The following ZNF124 variants were observed in gnomAD, a reference collection of about 807,000 sequenced individuals.
The protein encoded by ZNF124 is zinc finger protein 124, also known as zinc finger protein HZF-16.
ZNF124 carries 25 observed loss-of-function variants against 26.6 expected under a neutral mutation model. That is an observed-to-expected ratio of 0.94 (90% CI 0.68 to 1.31). The LOEUF is 1.31. Ranked by LOEUF, ZNF124 falls within the 40% of genes most tolerant of loss-of-function variation. The pLI, the probability that ZNF124 is intolerant of heterozygous loss-of-function variation, is 0.00. For missense variants in ZNF124, 444 were observed against 422.2 expected (o/e 1.05, Z -0.45); for synonymous variants, 129 against 133.3 (o/e 0.97, Z 0.22).
chr1:247,135,072 A>G (rs1361832822), intron 3 of ZNF124, among the ~76,000 whole-genome samples: 1 of 152,230 alleles, frequency 6.6e-6, no homozygotes, highest in Non-Finnish European at 1.5e-5. Context: ...ACAATGTACC[A>G]GAATCTCTGG....
intron 3 of ZNF124, among the ~76,000 whole-genome samples, chr1:247,126,366 G>A (rs2103097659): frequency 1.2e-5 from 1 of 83,054 alleles, no homozygotes; most frequent in African/African-American, 5.1e-5. Flanking sequence ...GGGCACCGGG[G>A]CGGGGACTGC....
At chr1:247,134,226 G>A (rs563963290) in intron 3 of ZNF124, among the ~76,000 whole-genome samples, 3 of 152,076 alleles carry the variant, frequency 2.0e-5, no homozygotes, top group South Asian at 2.1e-4. Flanking sequence ...ATAGCATCAC[G>A]ACAACAGGAT....
intron 1 of ZNF124, among the ~76,000 whole-genome samples, chr1:247,161,764 A>G (rs948014572): frequency 6.6e-6 from 1 of 152,054 alleles, no homozygotes; most frequent in African/African-American, 2.4e-5. Context: ...TACTATAATA[A>G]TAATAGTAAA....
downstream of ZNF124, among the ~76,000 whole-genome samples, chr1:247,150,605 C>G (rs1407906460): frequency 6.6e-6 from 1 of 151,508 alleles, no homozygotes; most frequent in Non-Finnish European, 1.5e-5. Context: ...TCTCTGTGGC[C>G]TTAAAATAGA....
chr1:247,125,641 A>C lies in ZNF124; in HGVS notation c.219-1770T>G, dbSNP rs189467509. On this transcript the variant is annotated intron_variant, in intron 3 of 3. Coordinates refer to the ZNF124 transcript ENST00000472531. The stretch of plus-strand genomic sequence containing the variant: ...GAGACGGGGTTTCACCACATTCGCC[A>C]GGCTGGTCTCCAACTCCTGACCTCG... 2.5e-3 allele frequency among the ~76,000 whole-genome samples: 311 copies of C among 124,154 alleles called. 1 individual carries two copies. The highest frequency in any genetic ancestry group is 9.3e-3 in the African/African-American group (299 of 32,226). The allele number at this position is 124,154 out of a possible 152,430, so 81.4% of individuals were successfully genotyped here.
At chr1:247,147,333 TCTC>T (rs1406599652) in intron 3 of ZNF124, among the ~76,000 whole-genome samples, 1 of 151,726 alleles carries the variant, frequency 6.6e-6, no homozygotes, top group African/African-American at 2.4e-5. Context: ...TTCAAGCCAT[TCTC>T]CTGCCTCAGC....
Position 247,131,879 on chromosome 1 carries a change from G to A in ZNF124, c.219-8008C>T, listed in dbSNP as rs953975192. Among the ~76,000 whole-genome samples, 32 of 152,308 alleles carry A rather than the reference G, an allele frequency of 2.1e-4. 1 individual carries two copies. Among genetic ancestry groups the A allele is most frequent in the South Asian group, 1.7e-3 (8 of 4,830 alleles). ...GTTCTGAGGAATCTTGGCAGCCTAG[G>A]TGAGTGGGTTTCCCCCCAGTGAAGC... On this transcript the variant is annotated intron_variant, in intron 3 of 3. Transcript: ENST00000472531.
rs144343924 is a variant in ZNF124 at position 247,159,042 on chromosome 1, A to G, written c.182T>C (p.Ile61Thr). 18 of 1,613,170 alleles carry G rather than the reference A, an allele frequency of 1.1e-5. No homozygotes were observed. Among genetic ancestry groups the G allele is most frequent in the Non-Finnish European group, 1.4e-5 (17 of 1,179,724 alleles). Reference sequence around the variant, plus strand: ...TGAAGAATTTTTGTACTGATCTTCAATGCTCTGGTCTTCCCCTTTGTTTCC... The same window carrying G: ...TGAAGAATTTTTGTACTGATCTTCAGTGCTCTGGTCTTCCCCTTTGTTTCC... ...SIGNKGEDQS[I>T]EDQYKNSSRN... Residue 61 changes from isoleucine to threonine, a missense_variant, in exon 3 of 4, where the codon ATT becomes ACT. Transcript: ENST00000543802.
intron 1 of ZNF124, 169 bp from the exon 2 acceptor site, chr1:247,159,982 T>A: frequency 7.0e-5 from 20 of 286,108 alleles, no homozygotes; most frequent in South Asian, 1.1e-4. Context: ...AGCAGTTCTT[T>A]TTTTTTTTTT....
At chr1:247,164,147 AAAT>A (rs750284434) in intron 1 of ZNF124, among the ~76,000 whole-genome samples, 4 of 152,352 alleles carry the variant, frequency 2.6e-5, no homozygotes, top group South Asian at 4.1e-4. Flanking sequence ...ACATACTTCA[AAAT>A]AATAAGAGCT....
At chr1:247,143,094 C>T (rs1672669144) in intron 3 of ZNF124, among the ~76,000 whole-genome samples, 1 of 152,060 alleles carries the variant, frequency 6.6e-6, no homozygotes, top group South Asian at 2.1e-4. Flanking sequence ...ACTTCTATTT[C>T]ATCTCCATCC....
chr1:247,125,430 C>CT (rs71566695), intron 3 of ZNF124, among the ~76,000 whole-genome samples: 2,922 of 43,214 alleles, frequency 0.068, 552 homozygotes, highest in Middle Eastern at 0.11. Flanking sequence ...CTGTTTTTGT[C>CT]TTTTTTTTTT....
At chr1:247,123,683 T>G (rs1672136155) in exon 4 of ZNF124, 1 of 574,170 alleles carries the variant, frequency 1.7e-6, no homozygotes, top group African/African-American at 1.9e-5. Flanking sequence ...CTCACAGGAT[T>G]CTTGCTTCTA....
chr1:247,124,404 T>A (rs1672157793), intron 3 of ZNF124, among the ~76,000 whole-genome samples: 3 of 151,786 alleles, frequency 2.0e-5, no homozygotes, highest in Admixed American at 2.0e-4. Context: ...CGTTTCACCA[T>A]GTTGGCCAGG....
intron 3 of ZNF124, among the ~76,000 whole-genome samples, chr1:247,148,440 C>T (rs1448218776): frequency 6.6e-6 from 1 of 151,988 alleles, no homozygotes; most frequent in African/African-American, 2.4e-5. Context: ...TATTTGCAAG[C>T]CAAAAAATGA....
rs188991551 is a variant in ZNF124 at position 247,162,581 on chromosome 1, A to G, written c.31-2768T>C. 2.9e-3 allele frequency among the ~76,000 whole-genome samples: 433 copies of G among 150,442 alleles called. 1 individual carries two copies. The highest frequency in any genetic ancestry group is 0.01 in the African/African-American group (418 of 40,796). On this transcript the variant is annotated intron_variant, in intron 1 of 3. Coordinates refer to ENST00000543802, the MANE Select transcript of ZNF124 (RefSeq NM_001297568.2). ...AACACATTAAGCAATGTATGACTGTATATCTTTACTTATATATAAAATATA... is the reference window on the plus strand; with the variant it reads ...AACACATTAAGCAATGTATGACTGTGTATCTTTACTTATATATAAAATATA...
At position 247,160,512 on chromosome 1, in the gene ZNF124, C is replaced by T. The variant is rs185379113; in HGVS notation, c.31-699G>A. 6.6e-5 allele frequency among the ~76,000 whole-genome samples: 10 copies of T among 152,320 alleles called. No homozygotes were observed. In the East Asian group the frequency reaches 1.9e-3, roughly 29 times the overall value. ...AGAAATACCTGCTACAAAGTTCAAC[C>T]TTTGCTGGTATGAGGGAACTTACAT... On this transcript the variant is annotated intron_variant, in intron 1 of 3. Transcript: ENST00000543802.
intron 3 of ZNF124, among the ~76,000 whole-genome samples, chr1:247,128,856 G>T (rs1558370312): frequency 6.6e-6 from 1 of 150,700 alleles, no homozygotes; most frequent in Admixed American, 6.6e-5. Flanking sequence ...TCTGGGGGAG[G>T]GTGGGCATTG....
intron 3 of ZNF124, among the ~76,000 whole-genome samples, chr1:247,143,697 CTA>C (rs1253210748): frequency 6.6e-6 from 1 of 152,128 alleles, no homozygotes; most frequent in Non-Finnish European, 1.5e-5. Context: ...AAGAGTCGGG[CTA>C]TGTCTAGGAT....
Sources: allele counts gnomAD v4.1 joint callset (sites outside exome capture counted in the v4.1 genomes callset), GRCh38; gene constraint gnomAD v4.1.1; transcripts MANE v1.5; gene names NCBI Gene and HGNC (gene_info 2026-07-23, HGNC 2026-07-21).